The following DLG5 variants were observed in gnomAD, a reference collection of about 807,000 sequenced individuals.
DLG5 encodes discs large MAGUK scaffold protein 5, also known as disks large homolog 5.
DLG5 carries 48 observed loss-of-function variants against 189.8 expected under a neutral mutation model. That is an observed-to-expected ratio of 0.25 (90% CI 0.20 to 0.32). DLG5 has a LOEUF of 0.32. DLG5 is among the 10% of genes least tolerant of loss of function. The probability of loss-of-function intolerance (pLI) is 1.00; values close to 1 mark genes in which losing one functional copy is unlikely to be tolerated. For synonymous variants in DLG5, 1,016 were observed against 1,054.1 expected (o/e 0.96, Z 0.70); for missense variants, 2,160 against 2,544.7 (o/e 0.85, Z 3.25).
Position 77,926,281 on chromosome 10 carries a change from A to G in DLG5, c.240T>C (p.Pro80=). Residue 80 remains proline, a synonymous_variant, in exon 1 of 32, where the codon CCT becomes CCC. Coordinates refer to ENST00000372391, the MANE Select transcript of DLG5 (RefSeq NM_004747.4). This position sits in a 1 kb window ranked among gnomAD's most constrained non-coding sequence, Gnocchi z 5.2. ...DLRAALEKTQ[P]HLLPILYLNG... is the part of the protein sequence containing the mutation. ...TCAGGTAGAGAATGGGCAGCAGGTGAGGCTGCGTCTTCTCCAGCGCCGCCC... is the reference window on the plus strand; with the variant it reads ...TCAGGTAGAGAATGGGCAGCAGGTGGGGCTGCGTCTTCTCCAGCGCCGCCC... 1.9e-6 allele frequency: 3 copies of G among 1,587,810 alleles called. No homozygotes were observed. The highest frequency in any genetic ancestry group is 2.6e-6 in the Non-Finnish European group (3 of 1,169,124).
intron 5 of DLG5, among the ~76,000 whole-genome samples, chr10:77,852,228 G>A (rs560263934): frequency 2.0e-4 from 31 of 152,034 alleles, no homozygotes; most frequent in South Asian, 4.2e-4. Context: ...AAAATCAGCC[G>A]GGTATGGTGG....
intron 1 of DLG5, among the ~76,000 whole-genome samples, chr10:77,876,901 T>A (rs1239773061): frequency 6.6e-6 from 1 of 151,420 alleles, no homozygotes; most frequent in Admixed American, 6.6e-5. Flanking sequence ...CTTTATATTT[T>A]AAAATAAATA....
At chr10:77,902,721 G>T (rs540535160) in intron 1 of DLG5, among the ~76,000 whole-genome samples, 1 of 152,086 alleles carries the variant, frequency 6.6e-6, no homozygotes, top group Admixed American at 6.5e-5. Flanking sequence ...TTAGCTAGGC[G>T]TGGTGGCATG....
intron 1 of DLG5, among the ~76,000 whole-genome samples, chr10:77,877,238 C>T (rs1461450669): frequency 6.6e-6 from 1 of 151,680 alleles, no homozygotes; most frequent in Admixed American, 6.6e-5. Context: ...AGAATTAAAT[C>T]ATTCAGTACC....
chr10:77,906,608 T>C (rs1279124511), intron 1 of DLG5, among the ~76,000 whole-genome samples: 3 of 146,704 alleles, frequency 2.0e-5, no homozygotes, highest in Middle Eastern at 3.3e-3. Context: ...GCAACAGTGC[T>C]GCGCTCCACT....
At chr10:77,805,056 G>A (rs1000449676) in intron 27 of DLG5, among the ~76,000 whole-genome samples, 4 of 152,182 alleles carry the variant, frequency 2.6e-5, no homozygotes, top group South Asian at 4.2e-4. Context: ...CTGCACCTCC[G>A]CCTCCTGGGT....
chr10:77,882,266 A>G (rs190771457), intron 1 of DLG5, among the ~76,000 whole-genome samples: 107 of 152,294 alleles, frequency 7.0e-4, no homozygotes, highest in African/African-American at 2.5e-3. Flanking sequence ...GCCACCTCCT[A>G]ATCAGTGACC....
intron 6 of DLG5, among the ~76,000 whole-genome samples, chr10:77,842,895 T>A (rs1843495677): frequency 6.6e-6 from 1 of 152,238 alleles, no homozygotes; most frequent in Admixed American, 6.5e-5. Flanking sequence ...AACCTGGCAA[T>A]GCTCAAACCT....
At chr10:77,900,008 A>C (rs1845877003) in intron 1 of DLG5, among the ~76,000 whole-genome samples, 1 of 152,220 alleles carries the variant, frequency 6.6e-6, no homozygotes, top group African/African-American at 2.4e-5. Context: ...CCAGACTTTA[A>C]AAGGAAGAGA....
At chr10:77,792,637 GCTGT>G in intron 31 of DLG5, 94 bp from the exon 32 acceptor site, 1 of 1,181,912 alleles carries the variant, frequency 8.5e-7, no homozygotes, top group Middle Eastern at 2.0e-4. Context: ...CTACTGTGTG[GCTGT>G]CTGCTTTGTG....
Position 77,821,480 on chromosome 10 carries a change from G to C in DLG5, c.3004C>G (p.Gln1002Glu), listed in dbSNP as rs774894085. The C allele has an allele frequency of 2.5e-6, 4 of 1,612,888 alleles. No homozygotes were observed. Among genetic ancestry groups the C allele is most frequent in the Non-Finnish European group, 3.4e-6 (4 of 1,179,972 alleles). ...LPGPGPAHSP[Q>E]PSKRAGPLTP... ...AGAGGCCCCGCCCTCTTGGAGGGCTGGGGAGAGTGAGCAGGCCCAGGACCT... is the reference window on the plus strand; with the variant it reads ...AGAGGCCCCGCCCTCTTGGAGGGCTCGGGAGAGTGAGCAGGCCCAGGACCT... Residue 1002 changes from glutamine to glutamate, a missense_variant, in exon 15 of 32, where the codon CAG (glutamine) becomes GAG (glutamate). Coordinates refer to ENST00000372391, the MANE Select transcript of DLG5 (RefSeq NM_004747.4).
chr10:77,845,941 A>AT (rs1289877533), intron 5 of DLG5, among the ~76,000 whole-genome samples: 3 of 150,284 alleles, frequency 2.0e-5, no homozygotes, highest in Non-Finnish European at 4.5e-5. Context: ...CTTTAAAAAA[A>AT]AAAAAAAAAA....
chr10:77,812,780 G>T (rs994652017), intron 20 of DLG5, among the ~76,000 whole-genome samples: 1 of 152,220 alleles, frequency 6.6e-6, no homozygotes, highest in Non-Finnish European at 1.5e-5. Context: ...CATCCTAAGG[G>T]GGCAACAGAA....
In DLG5 at chr10:77,791,404, G is replaced by A. The variant is rs1006498848; in HGVS notation, c.*1036C>T. 6.6e-6 allele frequency: 1 copy of A among 151,762 alleles called. No homozygotes were observed. The highest frequency in any genetic ancestry group is 2.4e-5 in the African/African-American group (1 of 41,216). The allele number at this position is 151,762 out of a possible 1,614,324, so 9.4% of individuals were successfully genotyped here. A position where few individuals can be genotyped will look rare whatever the true frequency, so the allele number is the denominator to read the frequency against. ...ACTGAGTAGGGTGCATGCCGTGAGT[G>A]CTGTAATCAAGATTAAAAAGACCTC... On this transcript the variant is annotated 3_prime_UTR_variant, in exon 32 of 32. Coordinates refer to ENST00000372391, the MANE Select transcript of DLG5 (RefSeq NM_004747.4).
At chr10:77,830,393 G>T in intron 10 of DLG5, 49 bp from the exon 11 acceptor site, 1 of 1,612,726 alleles carries the variant, frequency 6.2e-7, no homozygotes, top group Non-Finnish European at 8.5e-7. Context: ...CAGTGACAGA[G>T]ACATTTGGCT....
chr10:77,937,545 C>A, the DLG5 span, among the ~76,000 whole-genome samples: 6 of 151,948 alleles, frequency 3.9e-5, no homozygotes, highest in Non-Finnish European at 7.4e-5. Context: ...ATTGAAAAAA[C>A]CAAGGCAAGG....
chr10:77,839,243 G>GT (rs1429581169), intron 7 of DLG5, among the ~76,000 whole-genome samples: 1 of 152,226 alleles, frequency 6.6e-6, no homozygotes, highest in Non-Finnish European at 1.5e-5. Flanking sequence ...GTTCAGGCCT[G>GT]TAATCCTAGC....
chr10:77,850,176 C>T (rs1843896959), intron 5 of DLG5, among the ~76,000 whole-genome samples: 1 of 152,152 alleles, frequency 6.6e-6, no homozygotes, highest in Non-Finnish European at 1.5e-5. Context: ...TTTATCACCC[C>T]AAAAAGAAAC....
At chr10:77,925,962 C>G (rs1846674243) in intron 1 of DLG5, among the ~76,000 whole-genome samples, 1 of 152,224 alleles carries the variant, frequency 6.6e-6, no homozygotes, top group Non-Finnish European at 1.5e-5. Flanking sequence ...TGGTGGCCCC[C>G]GGGGACCCTG....
Sources: gnomAD v4.1 joint callset for allele counts (sites outside exome capture counted in the v4.1 genomes callset) on GRCh38, gnomAD v4.1.1 for gene constraint, Gnocchi (gnomAD v3.1) non-coding constraint, MANE v1.5 for transcripts, NCBI Gene and HGNC (gene_info 2026-07-23, HGNC 2026-07-21) for gene names.